PACS1: variants seen among roughly 807,000 people sequenced by gnomAD.
PACS1 encodes PACS-1.
A neutral mutation model predicts 115.0 loss-of-function variants in PACS1; 24 were observed. The observed-to-expected ratio is 0.21, with a 90% CI of 0.15 to 0.29. The LOEUF is 0.29. Among genes scored for constraint, PACS1 ranks in the 10% least tolerant of loss-of-function variants. The pLI is 1.00. For synonymous variants in PACS1, 453 were observed against 504.5 expected (o/e 0.90, Z 1.37); for missense variants, 838 against 1,251.2 (o/e 0.67, Z 4.98).
chr11:66,135,403 G>A (rs955232508), intron 1 of PACS1, among the ~76,000 whole-genome samples: 5 of 152,134 alleles, frequency 3.3e-5, no homozygotes, highest in East Asian at 3.8e-4. Context: ...GGTAAGGCAC[G>A]CCCTTCAGAA....
chr11:66,241,412 G>T lies in PACS1; in HGVS notation c.2430-15G>T. 1.9e-6 allele frequency: 3 copies of T among 1,562,354 alleles called. No homozygotes were observed. The highest frequency in any genetic ancestry group is 2.6e-6 in the Non-Finnish European group (3 of 1,150,734). On this transcript the variant is annotated splice_polypyrimidine_tract_variant and intron_variant, in intron 21 of 23. Transcript: ENST00000320580. The stretch of plus-strand genomic sequence containing the variant: ...AAGGCAGAGCTGACCTCTCCTCTTT[G>T]TTCCCTTTCCTCAGGAGCCCTAATA...
In PACS1 at chr11:66,070,989, G is replaced by A. The variant is rs1183383779; in HGVS notation, c.356+147G>A. ...GCCTGGCTCCAGCCAGGCCTCCCGGGACTCCTGCCACGGGGACCCGCCCTC... is the reference window on the plus strand; with the variant it reads ...GCCTGGCTCCAGCCAGGCCTCCCGGAACTCCTGCCACGGGGACCCGCCCTC... On this transcript the variant is annotated intron_variant, in intron 1 of 23. Transcript: ENST00000320580. The surrounding 1 kb of genome is among the most constrained non-coding windows in gnomAD (Gnocchi z 5.9). 1.2e-5 allele frequency: 10 copies of A among 835,314 alleles called. No homozygotes were observed. Among genetic ancestry groups the A allele is most frequent in the Non-Finnish European group, 1.7e-5 (10 of 600,598 alleles). 51.7% of individuals were successfully genotyped at this position (835,314 alleles called of 1,614,324 possible).
Position 66,070,432 on chromosome 11 carries a change from C to A in PACS1, c.-55C>A. ...CCCGCCGCCGCCGCCGCGGGGGAAG[C>A]CTGGGAGCCAGATCGGCGTCGCCTC... is the stretch of plus-strand genomic sequence containing the variant. On this transcript the variant is annotated 5_prime_UTR_variant, in exon 1 of 24. Transcript: ENST00000320580. The surrounding 1 kb of genome is among the most constrained non-coding windows in gnomAD (Gnocchi z 5.9). 9.1e-7 allele frequency: 1 copy of A among 1,093,750 alleles called. No homozygotes were observed. The allele number at this position is 1,093,750 out of a possible 1,614,324, so 67.8% of individuals were successfully genotyped here.
chr11:66,107,622 C>T (rs988426907), intron 1 of PACS1, among the ~76,000 whole-genome samples: 10 of 152,166 alleles, frequency 6.6e-5, no homozygotes, highest in Non-Finnish European at 1.5e-4. Flanking sequence ...TCACCCTCTG[C>T]TTGGAATTCT....
chr11:66,080,280 C>T (rs1405957620), intron 1 of PACS1, among the ~76,000 whole-genome samples: 1 of 152,174 alleles, frequency 6.6e-6, no homozygotes, highest in Non-Finnish European at 1.5e-5. Flanking sequence ...CAGCAGCAGA[C>T]AGGCTGACAA....
chr11:66,169,917 T>C (rs954614763), intron 1 of PACS1, among the ~76,000 whole-genome samples: 28 of 150,538 alleles, frequency 1.9e-4, no homozygotes, highest in Non-Finnish European at 1.0e-4. Context: ...TTTGAACGTT[T>C]GGTAGAATTT....
intron 1 of PACS1, among the ~76,000 whole-genome samples, chr11:66,072,488 C>A (rs1191833106): frequency 6.6e-6 from 1 of 151,952 alleles, no homozygotes; most frequent in African/African-American, 2.4e-5. Flanking sequence ...TGCTTCCACT[C>A]TGTGTTTCCA....
rs1855700056 is a variant in PACS1 at position 66,236,190 on chromosome 11, T to A, written c.2250+250T>A. On this transcript the variant is annotated intron_variant, in intron 19 of 23. Coordinates refer to ENST00000320580, the MANE Select transcript of PACS1 (RefSeq NM_018026.4). This position sits in a 1 kb window ranked among gnomAD's most constrained non-coding sequence, Gnocchi z 4.2. ...AGGAGGTCCCGCAGCAGAGAATGGC[T>A]TGGCCCCAAGTGTCAGTAGTGCAGA... Among the ~76,000 whole-genome samples, 1 of 152,190 alleles carries A rather than the reference T, an allele frequency of 6.6e-6. No individual in the cohort carries two copies. Among genetic ancestry groups the A allele is most frequent in the Non-Finnish European group, 1.5e-5 (1 of 68,038 alleles).
At chr11:66,238,760 GCTTT>G in intron 19 of PACS1, 40 bp from the exon 20 acceptor site, 7 of 1,543,212 alleles carry the variant, frequency 4.5e-6, no homozygotes, top group Non-Finnish European at 6.2e-6. Flanking sequence ...GAACATGCCT[GCTTT>G]AACAGGAGGA....
intron 1 of PACS1, among the ~76,000 whole-genome samples, chr11:66,118,644 A>C (rs1204895844): frequency 6.6e-6 from 1 of 151,404 alleles, no homozygotes; most frequent in African/African-American, 2.4e-5. Context: ...GATATTTTCT[A>C]GGCCAGGCGT....
chr11:66,144,502 AAC>A (rs1859073743), intron 1 of PACS1, among the ~76,000 whole-genome samples: 1 of 152,234 alleles, frequency 6.6e-6, no homozygotes, highest in African/African-American at 2.4e-5. Flanking sequence ...ACTTGAAGGA[AAC>A]ACAGGCATTT....
intron 1 of PACS1, among the ~76,000 whole-genome samples, chr11:66,176,559 A>G (rs1222304993): frequency 6.6e-6 from 1 of 151,928 alleles, no homozygotes; most frequent in Non-Finnish European, 1.5e-5. Context: ...GTTTACAGGC[A>G]TGTGCTACCA....
chr11:66,106,341 G>T (rs749948566), intron 1 of PACS1, among the ~76,000 whole-genome samples: 1 of 152,222 alleles, frequency 6.6e-6, no homozygotes. Context: ...GGAGGCTGAG[G>T]TGGGCAGATC....
At chr11:66,225,873 T>C (rs1296653907) in intron 10 of PACS1, among the ~76,000 whole-genome samples, 1 of 152,212 alleles carries the variant, frequency 6.6e-6, no homozygotes, top group Non-Finnish European at 1.5e-5. Flanking sequence ...CTAGATTCTA[T>C]TAATGTTGGC....
intron 1 of PACS1, among the ~76,000 whole-genome samples, chr11:66,090,271 C>CTTTTTTT (rs930565654): frequency 5.5e-5 from 6 of 109,426 alleles, no homozygotes; most frequent in Non-Finnish European, 9.2e-5. Context: ...TCTTTCCTTT[C>CTTTTTTT]TTTTTTTTTT....
chr11:66,242,783 C>A, intron 22 of PACS1, 129 bp from the exon 23 acceptor site: 1 of 1,243,320 alleles, frequency 8.0e-7, no homozygotes. Context: ...CAGCCCAGTG[C>A]CAGGGAGGAG....
chr11:66,195,858 C>T (rs1358152233), intron 2 of PACS1, among the ~76,000 whole-genome samples: 2 of 152,220 alleles, frequency 1.3e-5, no homozygotes, highest in African/African-American at 4.8e-5. Flanking sequence ...AGGAGATCTG[C>T]AGACCCTGAG....
chr11:66,216,123 T>C lies in PACS1; in HGVS notation c.665T>C (p.Met222Thr). ...ACCACCTCCCCTGGCTCCTAGGTGA[T>C]GCAGCATCCTAATGAAGGCGCACTG... ...AVGLINMAEV[M>T]QHPNEGALVL... Residue 222 changes from methionine to threonine, a missense_variant, in exon 5 of 24, where the codon ATG (methionine) becomes ACG (threonine). Physicochemically the swap from Met to Thr is moderately conservative, Grantham distance 81. Transcript: ENST00000320580. The C allele has an allele frequency of 1.2e-6, 2 of 1,613,864 alleles. No homozygotes were observed. The highest frequency in any genetic ancestry group is 1.7e-6 in the Non-Finnish European group (2 of 1,179,956).
At chr11:66,111,101 A>G (rs1348257690) in intron 1 of PACS1, among the ~76,000 whole-genome samples, 3 of 152,218 alleles carry the variant, frequency 2.0e-5, no homozygotes, top group Admixed American at 6.6e-5. Flanking sequence ...ATAGCCCACT[A>G]CGCACCTAGG....
Sources: allele counts gnomAD v4.1 joint callset (sites outside exome capture counted in the v4.1 genomes callset), GRCh38; gene constraint gnomAD v4.1.1; non-coding constraint Gnocchi (gnomAD v3.1); transcripts MANE v1.5; gene names NCBI Gene and HGNC (gene_info 2026-07-23, HGNC 2026-07-21).